Variants in VPS13B observed in about 807,000 individuals in gnomAD.
VPS13B encodes the protein intermembrane lipid transfer protein VPS13B.
In VPS13B, 285 loss-of-function variants were observed where a neutral mutation model predicts 426.4. The observed-to-expected ratio is 0.67, with a 90% CI of 0.61 to 0.74. VPS13B has a LOEUF of 0.74. Among genes scored for constraint, VPS13B ranks in the 30% least tolerant of loss-of-function variants. The pLI is 0.00. For missense variants in VPS13B, 4,537 were observed against 4,782.6 expected (o/e 0.95, Z 1.51); for synonymous variants, 1,676 against 1,676.4 (o/e 1.00, Z 0.01).
At chr8:99,736,301 G>C (rs1015659044) in intron 39 of VPS13B, among the ~76,000 whole-genome samples, 1 of 152,138 alleles carries the variant, frequency 6.6e-6, no homozygotes, top group Admixed American at 6.6e-5. Flanking sequence ...GGCTGGGCGC[G>C]GTGGCTCTCG....
chr8:99,562,424 G>A (rs1205549300), intron 31 of VPS13B, among the ~76,000 whole-genome samples: 1 of 152,030 alleles, frequency 6.6e-6, no homozygotes, highest in African/African-American at 2.4e-5. Context: ...GGGATGACAG[G>A]CATCTGCCAC....
Position 99,817,708 on chromosome 8 carries a change from C to A in VPS13B, c.8266C>A (p.Leu2756Met). ...TTCGTACATACTAGAAAACAATGAA[C>A]TGACGGAGCTGTGTGTGAAGGCCAA... ...LPSYILENNE[L>M]TELCVKAKGD... Residue 2756 changes from leucine to methionine, a missense_variant, in exon 45 of 62, where the codon CTG becomes ATG. By Grantham distance (15) the Leu-to-Met change is conservative. This residue lies in a region of VPS13B where 4,311 missense variants were observed against 4,474.3 expected (regional missense o/e 0.96). Transcript: ENST00000357162. The A allele has an allele frequency of 6.2e-7, 1 of 1,614,064 alleles. No homozygotes were observed. Among genetic ancestry groups the A allele is most frequent in the Non-Finnish European group, 8.5e-7 (1 of 1,179,986 alleles).
At chr8:99,049,393 AG>A (rs59275424) in intron 3 of VPS13B, among the ~76,000 whole-genome samples, 111,836 of 151,138 alleles carry the variant, frequency 0.74, 42,005 homozygotes, top group South Asian at 0.87. Flanking sequence ...TGTCTGAAAA[AG>A]ACTCTATCTT....
At chr8:99,293,397 T>A (rs577603027) in intron 19 of VPS13B, among the ~76,000 whole-genome samples, 90 of 103,544 alleles carry the variant, frequency 8.7e-4, no homozygotes, top group African/African-American at 3.0e-3. Flanking sequence ...CAATTCAAGA[T>A]GGATTAAAGA....
At chr8:99,662,046 G>C (rs1830249403) in intron 35 of VPS13B, among the ~76,000 whole-genome samples, 1 of 152,102 alleles carries the variant, frequency 6.6e-6, no homozygotes, top group Non-Finnish European at 1.5e-5. Flanking sequence ...ATGCATTTTA[G>C]GAGTATGTAC....
Position 99,143,030 on chromosome 8 carries a change from CAGG to C in VPS13B, c.1711_1713del (p.Glu571del), listed in dbSNP as rs777176713. The C allele has an allele frequency of 7.4e-6, 12 of 1,613,982 alleles. No individual in the cohort carries two copies. Among genetic ancestry groups the C allele is most frequent in the African/African-American group, 6.7e-5 (5 of 75,024 alleles). On this transcript the variant is annotated inframe_deletion, in exon 13 of 62. Coordinates refer to ENST00000357162, the MANE Select transcript of VPS13B (RefSeq NM_152564.5). ...GAAAAGTGAAGATTTGGGAACAGTT[CAGG>C]AGAAGTCCACCAAAAGCCTTGTTAT...
At chr8:99,676,034 A>G (rs1006102021) in intron 35 of VPS13B, among the ~76,000 whole-genome samples, 4 of 152,068 alleles carry the variant, frequency 2.6e-5, no homozygotes, top group Admixed American at 6.6e-5. Flanking sequence ...TCATGCATCA[A>G]TGTCTGGATA....
chr8:99,142,843 G>T (rs1810505910), intron 12 of VPS13B, 131 bp from the exon 13 acceptor site: 2 of 839,282 alleles, frequency 2.4e-6, no homozygotes, highest in Non-Finnish European at 1.8e-6. Flanking sequence ...AGGGCTCTCT[G>T]TATGCAGCTG....
chr8:99,707,677 A>C (rs1177472976), intron 36 of VPS13B, among the ~76,000 whole-genome samples: 7 of 152,214 alleles, frequency 4.6e-5, no homozygotes, highest in Non-Finnish European at 8.8e-5. Flanking sequence ...TCTTAGGAAT[A>C]CTAAAAATAC....
intron 4 of VPS13B, among the ~76,000 whole-genome samples, chr8:99,102,071 A>G (rs1410136000): frequency 1.3e-5 from 2 of 152,102 alleles, no homozygotes; most frequent in Non-Finnish European, 2.9e-5. Context: ...ATCCATGTAC[A>G]CACTTACATG....
At chr8:99,609,988 G>A (rs1057259640) in intron 33 of VPS13B, among the ~76,000 whole-genome samples, 11 of 152,148 alleles carry the variant, frequency 7.2e-5, no homozygotes, top group South Asian at 2.1e-4. Flanking sequence ...CTGGGACCTC[G>A]GGGGATCTGT....
At chr8:99,575,571 T>C in intron 31 of VPS13B, 87 bp from the exon 32 acceptor site, 1 of 1,539,178 alleles carries the variant, frequency 6.5e-7, no homozygotes, top group South Asian at 1.1e-5. Context: ...GCCATACATG[T>C]TTGTAGTACA....
chr8:99,359,739 C>T (rs746988962), intron 19 of VPS13B, among the ~76,000 whole-genome samples: 4 of 152,144 alleles, frequency 2.6e-5, no homozygotes, highest in Non-Finnish European at 4.4e-5. Context: ...GTAGTGTGCC[C>T]ATTCTAAATG....
intron 31 of VPS13B, among the ~76,000 whole-genome samples, chr8:99,567,643 C>T (rs938840270): frequency 2.0e-5 from 3 of 151,960 alleles, no homozygotes; most frequent in African/African-American, 7.3e-5. Flanking sequence ...TTTATAGATT[C>T]TTTGTGTATG....
intron 24 of VPS13B, among the ~76,000 whole-genome samples, chr8:99,472,637 A>T (rs948408187): frequency 1.3e-5 from 2 of 152,018 alleles, no homozygotes; most frequent in Admixed American, 1.3e-4. Context: ...AGAAAAGAAC[A>T]AGAGAAACCC....
At chr8:99,372,893 A>C (rs1011798141) in intron 19 of VPS13B, among the ~76,000 whole-genome samples, 7 of 152,236 alleles carry the variant, frequency 4.6e-5, no homozygotes, top group Non-Finnish European at 7.3e-5. Flanking sequence ...TATTTACAAT[A>C]GGAAAGACTT....
chr8:99,376,425 A>G (rs1251103520), intron 19 of VPS13B, among the ~76,000 whole-genome samples: 9 of 152,164 alleles, frequency 5.9e-5, no homozygotes, highest in Admixed American at 5.2e-4. Context: ...CATCTATAAC[A>G]TTCGTAAATT....
At chr8:99,064,647 G>A (rs952652949) in intron 3 of VPS13B, among the ~76,000 whole-genome samples, 1 of 152,198 alleles carries the variant, frequency 6.6e-6, no homozygotes, top group Non-Finnish European at 1.5e-5. Flanking sequence ...GTACCTGAAA[G>A]TGATGGGGAG....
chr8:99,400,279 G>A (rs905833979), intron 21 of VPS13B, among the ~76,000 whole-genome samples: 1 of 152,158 alleles, frequency 6.6e-6, no homozygotes, highest in Non-Finnish European at 1.5e-5. Context: ...AGAGGGAGGG[G>A]GAAATAAGAA....
Sources: allele counts gnomAD v4.1 joint callset (sites outside exome capture counted in the v4.1 genomes callset), GRCh38; gene constraint gnomAD v4.1.1; regional missense constraint gnomAD v4.1.1; transcripts MANE v1.5; gene names NCBI Gene and HGNC (gene_info 2026-07-23, HGNC 2026-07-21).